The following MIEF1 variants were observed in gnomAD, a reference collection of about 807,000 sequenced individuals.
The protein encoded by MIEF1 is mitochondrial elongation factor 1.
A neutral mutation model predicts 35.1 loss-of-function variants in MIEF1; 14 were observed. The ratio of observed to expected loss-of-function variants is 0.40; its 90% CI spans 0.26 to 0.62. The LOEUF is 0.62. Among genes scored for constraint, MIEF1 ranks in the 20% least tolerant of loss-of-function variants. The pLI, the probability that MIEF1 is intolerant of heterozygous loss-of-function variation, is 0.43. For missense variants in MIEF1, 542 were observed against 615.4 expected, an observed-to-expected ratio of 0.88 and a Z score of 1.26; for synonymous variants, 245 against 254.3, an observed-to-expected ratio of 0.96 and a Z score of 0.35.
Position 39,517,667 on chromosome 22 carries a change from CT to C in MIEF1, c.*3345del, listed in dbSNP as rs1930747604. On this transcript the variant is annotated 3_prime_UTR_variant, in exon 6 of 6. Transcript: ENST00000325301. ...TTCTGTCAGAGGATTTGTTAGAACT[CT>C]GCCCTTTTGTCTGAAACTCAAGGCC... 1 of 469,606 alleles carries C rather than the reference CT, an allele frequency of 2.1e-6. No homozygotes were observed. The highest frequency in any genetic ancestry group is 2.0e-5 in the African/African-American group (1 of 50,026). 29.1% of individuals were successfully genotyped at this position (469,606 alleles called of 1,614,324 possible).
intron 2 of MIEF1, among the ~76,000 whole-genome samples, chr22:39,505,099 CAGG>C (rs1216789996): frequency 6.6e-6 from 1 of 152,038 alleles, no homozygotes; most frequent in African/African-American, 2.4e-5. Flanking sequence ...GAGGCTGAGG[CAGG>C]AGAATTGCTT....
intron 2 of MIEF1, among the ~76,000 whole-genome samples, chr22:39,507,462 G>A (rs190375150): frequency 2.6e-5 from 4 of 151,852 alleles, no homozygotes; most frequent in Non-Finnish European, 5.9e-5. Context: ...AGCCAGGATG[G>A]TCTCGATCTC....
chr22:39,514,920 C>T lies in MIEF1; in HGVS notation c.*597C>T, dbSNP rs898428855. On this transcript the variant is annotated 3_prime_UTR_variant, in exon 6 of 6. Transcript: ENST00000325301. The stretch of plus-strand genomic sequence containing the variant: ...GACCACGGTTCCTGGAGTAGAAGTC[C>T]ATCCTCCCCCCAACCTCCTGACCCA... The T allele has an allele frequency of 6.6e-6, 2 of 301,838 alleles. No individual in the cohort carries two copies. Among genetic ancestry groups the T allele is most frequent in the South Asian group, 5.3e-5 (1 of 18,704 alleles). 18.7% of individuals were successfully genotyped at this position (301,838 alleles called of 1,614,324 possible). A position where few individuals can be genotyped will look rare whatever the true frequency, so the allele number is the denominator to read the frequency against.
At chr22:39,508,565 C>T (rs1037871297) in intron 2 of MIEF1, among the ~76,000 whole-genome samples, 1 of 152,182 alleles carries the variant, frequency 6.6e-6, no homozygotes, top group African/African-American at 2.4e-5. Context: ...CTTGCCTCTG[C>T]TAAGTTTGGT....
chr22:39,507,511 T>C (rs1050519991), intron 2 of MIEF1, among the ~76,000 whole-genome samples: 37 of 151,578 alleles, frequency 2.4e-4, no homozygotes, highest in Middle Eastern at 3.4e-3. Flanking sequence ...TCCCAAAGTG[T>C]TGGGATTACA....
rs1424873363 is a variant in MIEF1, at chr22:39,517,068, T to A, written c.*2745T>A. 2.0e-5 allele frequency: 3 copies of A among 153,316 alleles called. No individual in the cohort carries two copies. The highest frequency in any genetic ancestry group is 4.4e-5 in the Non-Finnish European group (3 of 68,840). 9.5% of individuals were successfully genotyped at this position (153,316 alleles called of 1,614,324 possible). Reference sequence around the variant, plus strand: ...CAACATTCTGCACCTGCCCCCTTTTTTAAATCTTTGGGGAAAGATGAGTAA... The same window carrying A: ...CAACATTCTGCACCTGCCCCCTTTTATAAATCTTTGGGGAAAGATGAGTAA... On this transcript the variant is annotated 3_prime_UTR_variant, in exon 6 of 6. Transcript: ENST00000325301.
chr22:39,513,575 G>A lies in MIEF1; in HGVS notation c.644G>A (p.Trp215Ter). ...IVPLVLEQNL[W>*]SCIPGEDTIM... The stretch of plus-strand genomic sequence containing the variant: ...CCCCTTGTGCTGGAGCAGAACCTGT[G>A]GTCATGTATTCCTGGTGAAGACACC... Residue 215 changes from tryptophan to a stop codon, truncating the protein, a stop_gained, in exon 6 of 6, where the codon TGG becomes TAG. Coordinates refer to ENST00000325301, the MANE Select transcript of MIEF1 (RefSeq NM_019008.6). LOFTEE classifies it high-confidence loss of function. 1 of 1,614,182 alleles carries A rather than the reference G, an allele frequency of 6.2e-7. No individual in the cohort carries two copies. The highest frequency in any genetic ancestry group is 8.5e-7 in the Non-Finnish European group (1 of 1,180,030).
Position 39,512,379 on chromosome 22 carries a change from C to T in MIEF1, c.470C>T (p.Ala157Val), listed in dbSNP as rs868319070. Residue 157 changes from alanine to valine, a missense_variant, in exon 5 of 6, where the codon GCC becomes GTC. Transcript: ENST00000325301. ...ATCCCTGCTGGAGAGCAGGCTCGGG[C>T]CAAGCAAGCTGCTGTGGACATATGT... is the stretch of plus-strand genomic sequence containing the variant. ...AAIPAGEQARAKQAAVDICAE... is the reference protein window; with the variant it reads ...AAIPAGEQARVKQAAVDICAE... 6.2e-7 allele frequency: 1 copy of T among 1,614,232 alleles called. No homozygotes were observed. Among genetic ancestry groups the T allele is most frequent in the African/African-American group, 1.3e-5 (1 of 75,072 alleles).
At chr22:39,507,076 G>A (rs559343480) in intron 2 of MIEF1, among the ~76,000 whole-genome samples, 12 of 152,270 alleles carry the variant, frequency 7.9e-5, no homozygotes, top group African/African-American at 1.2e-4. Context: ...AGTGGAGAGC[G>A]TGTCATGGAG....
In MIEF1 at chr22:39,517,672, CT is replaced by C. The variant is rs1398613251; in HGVS notation, c.*3353del. 4 of 468,992 alleles carry C rather than the reference CT, an allele frequency of 8.5e-6. No homozygotes were observed. The highest frequency in any genetic ancestry group is 1.8e-5 in the Non-Finnish European group (4 of 225,836). The allele number at this position is 468,992 out of a possible 1,614,324, so 29.1% of individuals were successfully genotyped here. A position where few individuals can be genotyped will look rare whatever the true frequency, so the allele number is the denominator to read the frequency against. On this transcript the variant is annotated 3_prime_UTR_variant, in exon 6 of 6. Coordinates refer to ENST00000325301, the MANE Select transcript of MIEF1 (RefSeq NM_019008.6). ...TCAGAGGATTTGTTAGAACTCTGCC[CT>C]TTTGTCTGAAACTCAAGGCCAAGGA...
intron 2 of MIEF1, among the ~76,000 whole-genome samples, chr22:39,507,482 T>A (rs1463988791): frequency 6.6e-6 from 1 of 151,782 alleles, no homozygotes; most frequent in Admixed American, 6.6e-5. Context: ...CCTGACCTCG[T>A]GATCTGCCCA....
At chr22:39,512,174 G>A in intron 4 of MIEF1, 58 bp from the exon 5 acceptor site, 4 of 1,581,986 alleles carry the variant, frequency 2.5e-6, no homozygotes, top group Non-Finnish European at 3.4e-6. Flanking sequence ...GGCTGAGGCA[G>A]CTGTGGACTG....
chr22:39,505,650 G>A (rs1274756067), intron 2 of MIEF1, among the ~76,000 whole-genome samples: 2 of 152,198 alleles, frequency 1.3e-5, no homozygotes, highest in African/African-American at 4.8e-5. Context: ...GACCATCACA[G>A]CTCTGTAAAC....
At chr22:39,505,163 C>T (rs1929952821) in intron 2 of MIEF1, among the ~76,000 whole-genome samples, 3 of 152,030 alleles carry the variant, frequency 2.0e-5, no homozygotes, top group Non-Finnish European at 4.4e-5. Flanking sequence ...CACTGCACTC[C>T]AGCCTGGGTG....
chr22:39,502,038 T>C (rs993424049), upstream of MIEF1: 1 of 152,346 alleles, frequency 6.6e-6, no homozygotes, highest in Non-Finnish European at 1.5e-5. Context: ...GCCTACCCGG[T>C]GCGGCAGCCT....
chr22:39,501,207 C>T (rs1289378278), upstream of MIEF1, among the ~76,000 whole-genome samples: 1 of 152,152 alleles, frequency 6.6e-6, no homozygotes, highest in African/African-American at 2.4e-5. Context: ...CACTCAGCTG[C>T]GAAAGCACTG....
At chr22:39,500,756 G>A (rs749091345), upstream of MIEF1, among the ~76,000 whole-genome samples, 5 of 151,660 alleles carry the variant, frequency 3.3e-5, no homozygotes, top group Admixed American at 6.6e-5. Flanking sequence ...GTACAGTAGC[G>A]TGATCTTGGC....
chr22:39,501,008 T>A (rs978716968), upstream of MIEF1, among the ~76,000 whole-genome samples: 2 of 152,076 alleles, frequency 1.3e-5, no homozygotes, highest in African/African-American at 4.8e-5. Flanking sequence ...TGCAACAGAC[T>A]CTTGATTGGT....
At chr22:39,511,240 G>A in intron 2 of MIEF1, 48 bp from the exon 3 acceptor site, 1 of 1,608,946 alleles carries the variant, frequency 6.2e-7, no homozygotes, top group South Asian at 1.1e-5. Flanking sequence ...GGGGAGGGAG[G>A]TTCTTGGGGT....
Sources: gnomAD v4.1 joint callset for allele counts (sites outside exome capture counted in the v4.1 genomes callset) on GRCh38, gnomAD v4.1.1 for gene constraint, MANE v1.5 for transcripts, NCBI Gene and HGNC (gene_info 2026-07-23, HGNC 2026-07-21) for gene names.